RSPH4A: variants seen among roughly 807,000 people sequenced by gnomAD.
RSPH4A encodes radial spoke head protein 4 homolog A.
A neutral mutation model predicts 71.0 loss-of-function variants in RSPH4A; 47 were observed. The observed-to-expected ratio is 0.66, with a 90% CI of 0.52 to 0.84. The LOEUF (loss-of-function observed/expected upper bound fraction) is 0.84. RSPH4A is among the 40% of genes least tolerant of loss of function. RSPH4A has a pLI of 0.00. For synonymous variants in RSPH4A, 282 were observed against 302.3 expected (o/e 0.93, Z 0.70); for missense variants, 793 against 855.2 (o/e 0.93, Z 0.91).
chr6:116,621,244 A>G (rs926022663), intron 1 of RSPH4A, among the ~76,000 whole-genome samples: 11 of 152,194 alleles, frequency 7.2e-5, no homozygotes, highest in Non-Finnish European at 1.0e-4. Context: ...CTGTTCATTT[A>G]CAAGAATTAT....
chr6:116,630,452 C>T lies in RSPH4A; in HGVS notation c.1816C>T (p.Pro606Ser). 1.3e-6 allele frequency: 2 copies of T among 1,593,836 alleles called. No individual in the cohort carries two copies. Among genetic ancestry groups the T allele is most frequent in the Non-Finnish European group, 1.7e-6 (2 of 1,161,842 alleles). Residue 606 changes from proline (P) to serine (S), a missense_variant, in exon 5 of 6, where the codon CCC becomes TCC. Transcript: ENST00000229554. ...GGTTCCAGAGATTCAGAATATACCC[C>T]CCTGGACAACACGGTTATCCTCAAA... is the stretch of plus-strand genomic sequence containing the variant. ...SEDLEIQNIPPWTTRLSSNLI... is the reference protein window; with the variant it reads ...SEDLEIQNIPSWTTRLSSNLI...
In RSPH4A at chr6:116,622,772, G is replaced by C; in HGVS notation, c.691G>C (p.Asp231His). The C allele has an allele frequency of 6.3e-7, 1 of 1,578,176 alleles. No homozygotes were observed. The highest frequency in any genetic ancestry group is 2.2e-5 in the East Asian group (1 of 44,658). ...GAATTTTCTCTGTTTGGATAGATAT[G>C]ATCATCTTTCTAATATGTTGACCAA... ...TSSNSGFNLY[D>H]HLSNMLTKIL... Residue 231 changes from aspartate to histidine, a missense_variant, in exon 2 of 6, where the codon GAT becomes CAT. Coordinates refer to ENST00000229554, the MANE Select transcript of RSPH4A (RefSeq NM_001010892.3).
chr6:116,617,209 G>A lies in RSPH4A; in HGVS notation c.586G>A (p.Ala196Thr), dbSNP rs1436446801. 2 of 1,614,148 alleles carry A rather than the reference G, an allele frequency of 1.2e-6. No homozygotes were observed. The highest frequency in any genetic ancestry group is 1.7e-6 in the Non-Finnish European group (2 of 1,180,002). ...SNSDYDLQQP[A>T]PGGSEVAPSM... ...CAGTGACTATGATTTACAGCAGCCG[G>A]CGCCTGGGGGCTCTGAAGTGGCCCC... Residue 196 changes from alanine to threonine, a missense_variant, in exon 1 of 6, where the codon GCG becomes ACG. Coordinates refer to ENST00000229554, the MANE Select transcript of RSPH4A (RefSeq NM_001010892.3).
At position 116,617,103 on chromosome 6, in the gene RSPH4A, G is replaced by A; in HGVS notation, c.480G>A (p.Leu160=). 1 of 1,614,212 alleles carries A rather than the reference G, an allele frequency of 6.2e-7. No homozygotes were observed. Among genetic ancestry groups the A allele is most frequent in the Non-Finnish European group, 8.5e-7 (1 of 1,180,046 alleles). ...AGTCTCAGCAACCCAAACCCCACCT[G>A]TGTGGACGAAGGGACGTGAGCTATA... is the stretch of plus-strand genomic sequence containing the variant. ...FQQSQQPKPH[L]CGRRDVSYNN... The change falls in exon 1 of 6, where the codon CTG becomes CTA. Residue 160 remains leucine, a synonymous_variant. Transcript: ENST00000229554.
In RSPH4A at chr6:116,632,252, A is replaced by C; in HGVS notation, c.1962A>C (p.Pro654=). The C allele has an allele frequency of 6.2e-7, 1 of 1,612,282 alleles. No homozygotes were observed. Among genetic ancestry groups the C allele is most frequent in the Non-Finnish European group, 8.5e-7 (1 of 1,179,776 alleles). Residue 654 remains proline, a synonymous_variant, in exon 6 of 6, where the codon CCA becomes CCC. Coordinates refer to ENST00000229554, the MANE Select transcript of RSPH4A (RefSeq NM_001010892.3). ...FYIGWGHKYS[P]DNYTPPVPPP... is the part of the protein sequence containing the mutation. ...TAGGCTGGGGTCATAAGTATAGTCCAGACAATTATACACCCCCAGTTCCAC... is the reference window on the plus strand; with the variant it reads ...TAGGCTGGGGTCATAAGTATAGTCCCGACAATTATACACCCCCAGTTCCAC...
At chr6:116,630,387 T>G (rs558351524) in intron 4 of RSPH4A, 48 bp from the exon 5 acceptor site, 24 of 950,644 alleles carry the variant, frequency 2.5e-5, no homozygotes, top group Non-Finnish European at 4.2e-5. Context: ...CACAGTAGAT[T>G]CTTGTCTAGT....
rs769809829 is a variant in RSPH4A, at chr6:116,623,006, A to G, written c.921+4A>G. On this transcript the variant is annotated splice_donor_region_variant and intron_variant, in intron 2 of 5. Coordinates refer to ENST00000229554, the MANE Select transcript of RSPH4A (RefSeq NM_001010892.3). Reference sequence around the variant, plus strand: ...CCAAGAATTGGAAGATGAAATAGTAAGTCACTACTACAAATTTTAATAATA... The same window carrying G: ...CCAAGAATTGGAAGATGAAATAGTAGGTCACTACTACAAATTTTAATAATA... 6.6e-7 allele frequency: 1 copy of G among 1,511,396 alleles called. No homozygotes were observed. The highest frequency in any genetic ancestry group is 1.1e-5 in the South Asian group (1 of 88,974). 93.6% of individuals were successfully genotyped at this position (1,511,396 alleles called of 1,614,324 possible). A position where few individuals can be genotyped will look rare whatever the true frequency, so the allele number is the denominator to read the frequency against.
In RSPH4A at chr6:116,628,155, A is replaced by G. The variant is rs1775731250; in HGVS notation, c.1448A>G (p.Tyr483Cys). The change falls in exon 3 of 6, where the codon TAT becomes TGT. Residue 483 changes from tyrosine (Y) to cysteine (C), a missense_variant. Coordinates refer to ENST00000229554, the MANE Select transcript of RSPH4A (RefSeq NM_001010892.3). ...YPPFPGNESNYLRAQIARISA... is the reference protein window; with the variant it reads ...YPPFPGNESNCLRAQIARISA... ...CCTTTCCCAGGAAATGAGAGTAATT[A>G]TTTACGAGCACAAATTGCCCGAATT... 1 of 1,614,166 alleles carries G rather than the reference A, an allele frequency of 6.2e-7. No individual in the cohort carries two copies. The highest frequency in any genetic ancestry group is 1.1e-5 in the South Asian group (1 of 91,080).
chr6:116,619,670 G>A (rs1358699816), intron 1 of RSPH4A, among the ~76,000 whole-genome samples: 2 of 149,704 alleles, frequency 1.3e-5, no homozygotes. Context: ...AATGTATGAT[G>A]TGAGAAATCT....
At chr6:116,628,511 C>A in intron 3 of RSPH4A, 142 bp downstream of exon 3, 1 of 680,450 alleles carries the variant, frequency 1.5e-6, no homozygotes, top group Non-Finnish European at 2.5e-6. Flanking sequence ...AAAACACAGC[C>A]AAAAATGCAG....
rs189900299 is a variant in RSPH4A at position 116,622,055 on chromosome 6, G to A, written c.687-713G>A. Among the ~76,000 whole-genome samples, 11 of 152,236 alleles carry A rather than the reference G, an allele frequency of 7.2e-5. No individual in the cohort carries two copies. The Middle Eastern group carries it at 0.017, about 235-fold the overall frequency. ...AAATAAAAATCTAGGGCAGTGTTTC[G>A]AATGGAATAGAACAAAATATTAGAG... On this transcript the variant is annotated intron_variant, in intron 1 of 5. Coordinates refer to ENST00000229554, the MANE Select transcript of RSPH4A (RefSeq NM_001010892.3).
At chr6:116,630,249 C>G (rs1343487813) in intron 4 of RSPH4A, among the ~76,000 whole-genome samples, 186 bp from the exon 5 acceptor site, 1 of 152,010 alleles carries the variant, frequency 6.6e-6, no homozygotes, top group African/African-American at 2.4e-5. Context: ...TTCCATTGTT[C>G]CAAAACATTC....
chr6:116,627,836 G>A lies in RSPH4A; in HGVS notation c.1129G>A (p.Glu377Lys), dbSNP rs75485978. Residue 377 changes from glutamate to lysine, a missense_variant, in exon 3 of 6, where the codon GAA (glutamate) becomes AAA (lysine). Transcript: ENST00000229554. ...IVAEVEFREG[E>K]DEEEVEEEDV... ...AGCTGAAGTGGAATTTCGTGAGGGG[G>A]AAGATGAAGAGGAAGTGGAAGAGGA... 1.2e-6 allele frequency: 2 copies of A among 1,614,140 alleles called. No individual in the cohort carries two copies. The highest frequency in any genetic ancestry group is 2.2e-5 in the East Asian group (1 of 44,870).
chr6:116,624,139 T>C (rs1775657018), intron 2 of RSPH4A, among the ~76,000 whole-genome samples: 1 of 152,138 alleles, frequency 6.6e-6, no homozygotes, highest in Non-Finnish European at 1.5e-5. Flanking sequence ...AGGGAAAAGA[T>C]AAGGGAGACA....
chr6:116,628,397 C>A, intron 3 of RSPH4A, 28 bp downstream of exon 3: 1 of 1,550,164 alleles, frequency 6.5e-7, no homozygotes, highest in Non-Finnish European at 8.9e-7. Flanking sequence ...CTCAATCTAT[C>A]AGGTAATTAG....
intron 2 of RSPH4A, among the ~76,000 whole-genome samples, chr6:116,624,582 G>A (rs1414474400): frequency 6.6e-6 from 1 of 152,172 alleles, no homozygotes; most frequent in Non-Finnish European, 1.5e-5. Flanking sequence ...GAACAGCTGA[G>A]TCATCAGGTG....
At chr6:116,623,222 A>G (rs1401062632) in intron 2 of RSPH4A, among the ~76,000 whole-genome samples, 2 of 151,964 alleles carry the variant, frequency 1.3e-5, no homozygotes, top group Non-Finnish European at 2.9e-5. Flanking sequence ...AGTAGCTGGG[A>G]CTTCAGGCAC....
At chr6:116,630,667 G>GTTTTTTTTTTTTTTTTTTTTTT (rs11459167) in intron 5 of RSPH4A, 115 bp downstream of exon 5, 1 of 191,530 alleles carries the variant, frequency 5.2e-6, no homozygotes, top group African/African-American at 5.5e-5. Flanking sequence ...TTTTTTTCGT[G>GTTTTTTTTTTTTTTTTTTTTTT]TTTTTTTTTT....
chr6:116,617,347 A>G (rs893607052), intron 1 of RSPH4A, 38 bp downstream of exon 1: 10 of 1,471,536 alleles, frequency 6.8e-6, no homozygotes, highest in South Asian at 2.4e-5. Context: ...TGTTTGGCAA[A>G]GCAAGAGGGT....
Sources: gnomAD v4.1 joint callset for allele counts (sites outside exome capture counted in the v4.1 genomes callset) on GRCh38, gnomAD v4.1.1 for gene constraint, MANE v1.5 for transcripts, NCBI Gene and HGNC (gene_info 2026-07-23, HGNC 2026-07-21) for gene names.